Variants in LPP observed in about 807,000 individuals in gnomAD.
LPP encodes lipoma-preferred partner.
In LPP, 38 loss-of-function variants were observed where a neutral mutation model predicts 60.4. That is an observed-to-expected ratio of 0.63 (90% confidence interval 0.49 to 0.83). The LOEUF (loss-of-function observed/expected upper bound fraction) is 0.83, where lower values mean the gene tolerates loss of function less well. Among genes scored for constraint, LPP ranks in the 40% least tolerant of loss-of-function variants. The pLI is 0.00. For synonymous variants in LPP, 328 were observed against 290.8 expected, an observed-to-expected ratio of 1.13 and a Z score of -1.30; for missense variants, 902 against 783.6, an observed-to-expected ratio of 1.15 and a Z score of -1.80.
chr3:188,291,153 G>A (rs1745790035), intron 2 of LPP, among the ~76,000 whole-genome samples: 1 of 152,120 alleles, frequency 6.6e-6, no homozygotes, highest in Admixed American at 6.5e-5. Context: ...CAATTCTTCA[G>A]AATCTTTTAC....
intron 9 of LPP, among the ~76,000 whole-genome samples, chr3:188,826,593 G>A (rs978341289): frequency 6.6e-6 from 1 of 152,078 alleles, no homozygotes; most frequent in Non-Finnish European, 1.5e-5. Context: ...AACATTAGCT[G>A]TAGGTTTTCT....
chr3:188,376,957 A>G (rs1036538447), intron 3 of LPP, among the ~76,000 whole-genome samples: 86 of 151,974 alleles, frequency 5.7e-4, no homozygotes, highest in Non-Finnish European at 1.2e-3. Context: ...TTTCTCCTTC[A>G]CTTATGAAGC....
At chr3:188,210,747 AT>A (rs1325596806) in intron 1 of LPP, among the ~76,000 whole-genome samples, 1 of 152,196 alleles carries the variant, frequency 6.6e-6, no homozygotes. Context: ...GCTTAAGACC[AT>A]TCCCAGAAGC....
chr3:188,234,154 C>T (rs1721069800), intron 2 of LPP, among the ~76,000 whole-genome samples: 1 of 152,118 alleles, frequency 6.6e-6, no homozygotes, highest in South Asian at 2.1e-4. Context: ...CCCACCCCTG[C>T]TCCAAGGGCT....
At chr3:188,330,667 T>G (rs1759768211) in intron 2 of LPP, among the ~76,000 whole-genome samples, 1 of 152,064 alleles carries the variant, frequency 6.6e-6, no homozygotes, top group Non-Finnish European at 1.5e-5. Flanking sequence ...AACACAAAAA[T>G]GAGCTGGGCA....
chr3:188,858,334 C>T (rs969258620), intron 9 of LPP, among the ~76,000 whole-genome samples: 4 of 152,232 alleles, frequency 2.6e-5, no homozygotes, highest in South Asian at 2.1e-4. Context: ...GCTCTTAGGC[C>T]CCTTCCCCCT....
chr3:188,301,282 T>A (rs545800872), intron 2 of LPP, among the ~76,000 whole-genome samples: 1 of 152,256 alleles, frequency 6.6e-6, no homozygotes, highest in Non-Finnish European at 1.5e-5. Flanking sequence ...TGAAAACTTA[T>A]GAATTTCTTT....
intron 1 of LPP, among the ~76,000 whole-genome samples, chr3:188,173,512 AAAACAAAAAAAAC>A (rs904385462): frequency 4.0e-5 from 6 of 151,446 alleles, no homozygotes; most frequent in South Asian, 2.1e-4. Flanking sequence ...AAAAAAAACA[AAAACAAAAAAAAC>A]AAACAAAAAA....
At chr3:188,347,092 A>G (rs912540435) in intron 3 of LPP, among the ~76,000 whole-genome samples, 2 of 152,204 alleles carry the variant, frequency 1.3e-5, no homozygotes, top group Non-Finnish European at 2.9e-5. Flanking sequence ...AGGTTGAGTA[A>G]TTTGCCCAAA....
intron 8 of LPP, among the ~76,000 whole-genome samples, chr3:188,754,081 A>G (rs572217932): frequency 1.3e-5 from 2 of 152,324 alleles, no homozygotes; most frequent in East Asian, 3.9e-4. Flanking sequence ...ATGATGTGAT[A>G]TGTGATATCT....
At chr3:188,695,837 A>G (rs1310797810) in intron 7 of LPP, among the ~76,000 whole-genome samples, 1 of 152,242 alleles carries the variant, frequency 6.6e-6, no homozygotes, top group Non-Finnish European at 1.5e-5. Context: ...GACTGTCTTG[A>G]TTAACCTTTA....
intron 2 of LPP, among the ~76,000 whole-genome samples, chr3:188,232,644 A>G (rs987384047): frequency 6.6e-6 from 1 of 151,452 alleles, no homozygotes; most frequent in African/African-American, 2.4e-5. Context: ...GTGAGCTGCC[A>G]TGCCTGGCTA....
chr3:188,382,112 A>G (rs1777072109), intron 3 of LPP, among the ~76,000 whole-genome samples: 1 of 152,088 alleles, frequency 6.6e-6, no homozygotes, highest in Admixed American at 6.6e-5. Flanking sequence ...GATAGAGAAA[A>G]AAGCCCTGCT....
At chr3:188,270,921 G>A (rs1737529346) in intron 2 of LPP, among the ~76,000 whole-genome samples, 1 of 152,170 alleles carries the variant, frequency 6.6e-6, no homozygotes, top group Admixed American at 6.5e-5. Context: ...CCACCCAGCT[G>A]CAAAACTCTC....
chr3:188,759,461 A>C (rs1004003778), intron 8 of LPP: 4 of 152,404 alleles, frequency 2.6e-5, no homozygotes, highest in African/African-American at 9.7e-5. Flanking sequence ...CAAGTCCAAG[A>C]GAGAGATAAG....
chr3:188,357,894 T>C (rs2150906025), intron 3 of LPP, among the ~76,000 whole-genome samples: 1 of 152,362 alleles, frequency 6.6e-6, no homozygotes, highest in East Asian at 1.9e-4. Context: ...TGGAAGGATC[T>C]TGAATTCAGG....
intron 7 of LPP, among the ~76,000 whole-genome samples, chr3:188,693,774 G>T (rs183086110): frequency 2.0e-5 from 3 of 152,268 alleles, no homozygotes; most frequent in Admixed American, 6.5e-5. Context: ...TCAGAATGCT[G>T]CATAAATGTA....
chr3:188,639,641 A>G (rs1170043435), intron 7 of LPP, among the ~76,000 whole-genome samples: 1 of 149,450 alleles, frequency 6.7e-6, no homozygotes, highest in Non-Finnish European at 1.5e-5. Context: ...AATATCCAGA[A>G]TCTACAATGA....
intron 3 of LPP, among the ~76,000 whole-genome samples, chr3:188,347,171 CA>C (rs1764624193): frequency 6.6e-6 from 1 of 151,984 alleles, no homozygotes; most frequent in South Asian, 2.1e-4. Flanking sequence ...TGAATACCTC[CA>C]GAGATAACAT....
Sources: allele counts gnomAD v4.1 joint callset (sites outside exome capture counted in the v4.1 genomes callset), GRCh38; gene constraint gnomAD v4.1.1; transcripts MANE v1.5; gene names NCBI Gene and HGNC (gene_info 2026-07-23, HGNC 2026-07-21).